Variants in ATXN10 observed in about 807,000 individuals in gnomAD.
ATXN10 encodes the protein ataxin-10.
ATXN10 carries 28 observed loss-of-function variants against 52.9 expected under a neutral mutation model. The ratio of observed to expected loss-of-function variants is 0.53; its 90% confidence interval spans 0.39 to 0.73. ATXN10 has a LOEUF of 0.73. ATXN10 is among the 30% of genes least tolerant of loss of function. ATXN10 has a pLI of 0.00. For synonymous variants in ATXN10, 226 were observed against 221.5 expected, an observed-to-expected ratio of 1.02 and a Z score of -0.18; for missense variants, 565 against 577.0, an observed-to-expected ratio of 0.98 and a Z score of 0.21.
intron 9 of ATXN10, among the ~76,000 whole-genome samples, chr22:45,751,829 C>A (rs1341877681): frequency 7.7e-6 from 1 of 129,442 alleles, no homozygotes; most frequent in African/African-American, 3.0e-5. Context: ...CAGTTTTGAT[C>A]TTTAGCATAT....
At chr22:45,768,918 C>T (rs1926680487) in intron 9 of ATXN10, among the ~76,000 whole-genome samples, 1 of 152,034 alleles carries the variant, frequency 6.6e-6, no homozygotes, top group South Asian at 2.1e-4. Context: ...CAATGGCAAT[C>T]TGGTTATTTT....
intron 9 of ATXN10, among the ~76,000 whole-genome samples, chr22:45,752,802 G>A (rs1197929514): frequency 6.6e-6 from 1 of 151,620 alleles, no homozygotes; most frequent in African/African-American, 2.4e-5. Context: ...GCAATGGTGC[G>A]ATCTCGACGC....
intron 1 of ATXN10, chr22:45,673,147 A>G (rs1047913501): frequency 6.6e-6 from 1 of 152,220 alleles, no homozygotes; most frequent in Non-Finnish European, 1.5e-5. Flanking sequence ...AATGTAGCTG[A>G]TATTATCACT....
rs1303338119 is a variant in ATXN10, at chr22:45,740,442, A to G, written c.1077A>G (p.Ala359=). Residue 359 remains alanine (A), a synonymous_variant, in exon 9 of 12, where the codon GCA becomes GCG. Coordinates refer to ENST00000252934, the MANE Select transcript of ATXN10 (RefSeq NM_013236.4). ...TCAGTAATTGTGGTTGCGTGAGAGC[A>G]GAAGGTGACATCTCCAATGTGGCCA... ...NIFSNCGCVR[A]EGDISNVANG... 1.9e-6 allele frequency: 3 copies of G among 1,613,988 alleles called. No homozygotes were observed. Among genetic ancestry groups the G allele is most frequent in the Middle Eastern group, 1.6e-4 (1 of 6,062 alleles).
intron 5 of ATXN10, among the ~76,000 whole-genome samples, chr22:45,706,036 T>G (rs1300519056): frequency 6.6e-6 from 1 of 152,200 alleles, no homozygotes; most frequent in Non-Finnish European, 1.5e-5. Flanking sequence ...ACACTCCTTA[T>G]GAGAATCTAT....
intron 5 of ATXN10, among the ~76,000 whole-genome samples, chr22:45,711,492 A>G (rs1192076393): frequency 6.6e-6 from 1 of 152,130 alleles, no homozygotes; most frequent in African/African-American, 2.4e-5. Context: ...AAAGACATGC[A>G]CACAGCTACT....
rs1016968931 is a variant in ATXN10, at chr22:45,823,780, C to G, written c.1237+16758C>G. Among the ~76,000 whole-genome samples, 1 of 152,158 alleles carries G rather than the reference C, an allele frequency of 6.6e-6. No homozygotes were observed. Among genetic ancestry groups the G allele is most frequent in the African/African-American group, 2.4e-5 (1 of 41,434 alleles). The stretch of plus-strand genomic sequence containing the variant: ...GGCATGTTATGTGCTGCACACTGTT[C>G]TAGCTGCCAGGGATACAATGGTTGA... On this transcript the variant is annotated intron_variant, in intron 10 of 11. Transcript: ENST00000252934. This position sits in a 1 kb window ranked among gnomAD's most constrained non-coding sequence, Gnocchi z 4.9.
At chr22:45,686,356 C>T (rs1923135096) in intron 1 of ATXN10, among the ~76,000 whole-genome samples, 1 of 152,186 alleles carries the variant, frequency 6.6e-6, no homozygotes, top group South Asian at 2.1e-4. Flanking sequence ...AGATAGTCTC[C>T]ATTTTTCAAG....
intron 10 of ATXN10, among the ~76,000 whole-genome samples, chr22:45,817,467 G>A (rs141494030): frequency 0.013 from 1,949 of 152,086 alleles, 33 homozygotes; most frequent in Non-Finnish European, 0.022. Context: ...GGGAATTACA[G>A]GCCCATGCCA....
chr22:45,827,791 C>T (rs1352842764), intron 10 of ATXN10, among the ~76,000 whole-genome samples: 1 of 152,134 alleles, frequency 6.6e-6, no homozygotes, highest in Admixed American at 6.5e-5. Flanking sequence ...CAGACATACA[C>T]AGAACACTCT....
intron 7 of ATXN10, 70 bp downstream of exon 7, chr22:45,729,660 G>A (rs1423412689): frequency 4.3e-5 from 65 of 1,516,572 alleles, no homozygotes; most frequent in African/African-American, 8.2e-5. Flanking sequence ...GCCAAGTCCT[G>A]TATGAGAATT....
rs1269944879 is a variant in ATXN10 at position 45,789,280 on chromosome 22, C to T, written c.1174-17679C>T. Among the ~76,000 whole-genome samples, 1 of 152,228 alleles carries T rather than the reference C, an allele frequency of 6.6e-6. No homozygotes were observed. Among genetic ancestry groups the T allele is most frequent in the East Asian group, 1.9e-4 (1 of 5,198 alleles). On this transcript the variant is annotated intron_variant, in intron 9 of 11. Transcript: ENST00000252934. The surrounding 1 kb of genome is among the most constrained non-coding windows in gnomAD (Gnocchi z 4.0). ...TATTAATTTACTCACCTGCCTCCCC[C>T]TGGCTAAGTTTCATTCAGTACGTAT...
intron 9 of ATXN10, among the ~76,000 whole-genome samples, chr22:45,799,004 G>A (rs1927842418): frequency 6.6e-6 from 1 of 152,064 alleles, no homozygotes; most frequent in Non-Finnish European, 1.5e-5. Flanking sequence ...ATATTGTTAA[G>A]TGTTAGATCT....
intron 10 of ATXN10, among the ~76,000 whole-genome samples, chr22:45,822,530 T>A (rs1203609685): frequency 1.4e-5 from 2 of 143,542 alleles, no homozygotes; most frequent in Admixed American, 1.4e-4. Flanking sequence ...CCAATTTTTT[T>A]TTTTTTTTTT....
chr22:45,778,664 T>C (rs1927044019), intron 9 of ATXN10, among the ~76,000 whole-genome samples: 2 of 152,216 alleles, frequency 1.3e-5, no homozygotes, highest in Non-Finnish European at 2.9e-5. Flanking sequence ...GAGGAGCTTG[T>C]ATGAAATTAG....
chr22:45,712,561 T>G lies in ATXN10; in HGVS notation c.648-5852T>G, dbSNP rs570955593. On this transcript the variant is annotated intron_variant, in intron 5 of 11. Transcript: ENST00000252934. This position sits in a 1 kb window ranked among gnomAD's most constrained non-coding sequence, Gnocchi z 4.6. ...CAGCTCTTTCTGAGACCAAAATTTGTGCTCTTAATCTGTACACCCACTGCC... is the reference window on the plus strand; with the variant it reads ...CAGCTCTTTCTGAGACCAAAATTTGGGCTCTTAATCTGTACACCCACTGCC... Among the ~76,000 whole-genome samples the G allele has an allele frequency of 1.8e-3, 280 of 152,274 alleles. 3 individuals carry two copies. The highest frequency in any genetic ancestry group is 6.3e-3 in the African/African-American group (261 of 41,562).
chr22:45,686,331 A>G (rs1046000173), intron 1 of ATXN10, among the ~76,000 whole-genome samples: 1 of 152,220 alleles, frequency 6.6e-6, no homozygotes, highest in Non-Finnish European at 1.5e-5. Context: ...GGCCCTAGAG[A>G]TACAGAAAAG....
intron 5 of ATXN10, among the ~76,000 whole-genome samples, chr22:45,703,497 C>T (rs1923919775): frequency 6.6e-6 from 1 of 152,010 alleles, no homozygotes; most frequent in Non-Finnish European, 1.5e-5. Flanking sequence ...TTTTTTCAGG[C>T]CCTTGTTCTC....
intron 5 of ATXN10, among the ~76,000 whole-genome samples, chr22:45,709,129 T>G (rs1924148372): frequency 6.6e-6 from 1 of 152,206 alleles, no homozygotes; most frequent in African/African-American, 2.4e-5. Flanking sequence ...ATTAGGAAGA[T>G]AAACATAATT....
Sources: allele counts gnomAD v4.1 joint callset (sites outside exome capture counted in the v4.1 genomes callset), GRCh38; gene constraint gnomAD v4.1.1; non-coding constraint Gnocchi (gnomAD v3.1); transcripts MANE v1.5; gene names NCBI Gene and HGNC (gene_info 2026-07-23, HGNC 2026-07-21).